The following DYNC2H1 variants were observed in gnomAD, a reference collection of about 807,000 sequenced individuals.
The protein encoded by DYNC2H1 is cytoplasmic dynein 2 heavy chain 1.
In DYNC2H1, 410 loss-of-function variants were observed where a neutral mutation model predicts 570.0. The ratio of observed to expected loss-of-function variants is 0.72; its 90% CI spans 0.66 to 0.78. The LOEUF (loss-of-function observed/expected upper bound fraction) is 0.78, where lower values mean the gene tolerates loss of function less well. Ranked by LOEUF, DYNC2H1 falls within the 30% of genes least tolerant of loss-of-function variation. DYNC2H1 has a pLI of 0.00. For synonymous variants in DYNC2H1, 1,688 were observed against 1,677.6 expected, an observed-to-expected ratio of 1.01 and a Z score of -0.15; for missense variants, 4,865 against 5,046.4, an observed-to-expected ratio of 0.96 and a Z score of 1.09.
intron 88 of DYNC2H1, among the ~76,000 whole-genome samples, chr11:103,475,926 G>A (rs1246491205): frequency 6.6e-6 from 1 of 152,146 alleles, no homozygotes; most frequent in East Asian, 1.9e-4. Context: ...TTCTATTTCA[G>A]TTTTGATCAT....
intron 84 of DYNC2H1, among the ~76,000 whole-genome samples, chr11:103,419,132 T>C (rs1489541973): frequency 6.6e-6 from 1 of 152,178 alleles, no homozygotes; most frequent in Admixed American, 6.5e-5. Context: ...GGAGTCTGCC[T>C]GAGGCAGGAA....
chr11:103,433,134 CTA>C (rs1943953146), intron 84 of DYNC2H1, among the ~76,000 whole-genome samples: 1 of 151,920 alleles, frequency 6.6e-6, no homozygotes, highest in South Asian at 2.1e-4. Context: ...TCATGTATCA[CTA>C]TCATTATCAT....
chr11:103,270,502 A>G (rs1038177466), intron 70 of DYNC2H1, among the ~76,000 whole-genome samples: 2 of 152,104 alleles, frequency 1.3e-5, no homozygotes, highest in Non-Finnish European at 2.9e-5. Flanking sequence ...ACAATAGTGA[A>G]ATAGAGCAAT....
At chr11:103,192,799 G>T (rs756743444) in intron 47 of DYNC2H1, among the ~76,000 whole-genome samples, 3 of 152,054 alleles carry the variant, frequency 2.0e-5, no homozygotes, top group Middle Eastern at 3.2e-3. Context: ...AACTATCGTG[G>T]GAGTAATGTA....
In DYNC2H1 at chr11:103,163,032, G is replaced by A. The variant is rs1262807447; in HGVS notation, c.4496G>A (p.Trp1499Ter). The stretch of plus-strand genomic sequence containing the variant: ...ATTTTCCAATTTCTTTTTCAGACAT[G>A]GTTGAATGATTTGGCCTTAGAAATG... ...KVPLSNNVET[W>*]LNDLALEMKK... Residue 1499 changes from tryptophan to a stop codon, truncating the protein, a stop_gained, in exon 30 of 89, where the codon TGG becomes TAG. Coordinates refer to ENST00000375735, the MANE Select transcript of DYNC2H1 (RefSeq NM_001377.3). LOFTEE classifies it high-confidence loss of function. The surrounding 1 kb of genome is among the most constrained non-coding windows in gnomAD (Gnocchi z 4.6). 6.2e-7 allele frequency: 1 copy of A among 1,609,802 alleles called. No homozygotes were observed. The highest frequency in any genetic ancestry group is 8.5e-7 in the Non-Finnish European group (1 of 1,177,618).
chr11:103,360,207 A>G (rs536967231), intron 83 of DYNC2H1, among the ~76,000 whole-genome samples: 3 of 152,156 alleles, frequency 2.0e-5, no homozygotes, highest in Non-Finnish European at 4.4e-5. Flanking sequence ...AATTTCCCCT[A>G]AAATAAAATT....
At chr11:103,124,993 C>A in intron 11 of DYNC2H1, 107 bp from the exon 12 acceptor site, 2 of 761,758 alleles carry the variant, frequency 2.6e-6, no homozygotes, top group Non-Finnish European at 4.0e-6. Flanking sequence ...TTTTTTTTTA[C>A]TTTGAGCTAA....
chr11:103,298,587 T>TTAC (rs1866929707), intron 75 of DYNC2H1, among the ~76,000 whole-genome samples: 1 of 152,180 alleles, frequency 6.6e-6, no homozygotes, highest in Non-Finnish European at 1.5e-5. Context: ...AAAATTATGT[T>TTAC]TACTATTGTA....
chr11:103,240,996 T>G (rs1290069153), intron 63 of DYNC2H1, among the ~76,000 whole-genome samples: 1 of 152,154 alleles, frequency 6.6e-6, no homozygotes, highest in Non-Finnish European at 1.5e-5. Context: ...AACCTTTTTA[T>G]TCCCCTCTAT....
intron 88 of DYNC2H1, among the ~76,000 whole-genome samples, chr11:103,477,933 A>G (rs193059213): frequency 1.3e-5 from 2 of 152,050 alleles, no homozygotes; most frequent in African/African-American, 4.8e-5. Context: ...CATCAGATTA[A>G]TGACTAATTT....
At position 103,191,546 on chromosome 11, in the gene DYNC2H1, T is replaced by C. The variant is rs1006299303; in HGVS notation, c.7467T>C (p.Tyr2489=). The C allele has an allele frequency of 6.8e-6, 11 of 1,609,098 alleles. No homozygotes were observed. The Admixed American group carries it at 1.2e-4, about 17-fold the overall frequency. The change falls in exon 46 of 89, where the codon TAT becomes TAC. Residue 2489 remains tyrosine, a synonymous_variant. Transcript: ENST00000375735. The part of the protein sequence containing the change: ...QVRAKFTVDD[Y]SHYFFTPCIL... Reference sequence around the variant, plus strand: ...GAGCCAAATTTACAGTTGATGATTATAGTCACTATTTCTTTACTCCTTGCA... The same window carrying C: ...GAGCCAAATTTACAGTTGATGATTACAGTCACTATTTCTTTACTCCTTGCA...
In DYNC2H1 at chr11:103,253,331, T is replaced by C. The variant is rs1591478199; in HGVS notation, c.10089T>C (p.Asn3363=). Residue 3363 remains asparagine, a synonymous_variant, in exon 66 of 89, where the codon AAT becomes AAC. Transcript: ENST00000375735. The part of the protein sequence containing the change: ...VQIGDKIIDY[N]EEFRLFLSTR... ...TAGGTGACAAAATTATTGACTACAA[T>C]GAAGAATTCCGCCTCTTTTTGTCAA... The C allele has an allele frequency of 6.2e-7, 1 of 1,613,318 alleles. No homozygotes were observed.
At chr11:103,307,656 G>A in intron 77 of DYNC2H1, 65 bp from the exon 78 acceptor site, 2 of 770,714 alleles carry the variant, frequency 2.6e-6, no homozygotes, top group Non-Finnish European at 4.1e-6. Flanking sequence ...TACTAATAAT[G>A]TAATGTAAAA....
At chr11:103,374,433 G>A (rs1405666231) in intron 83 of DYNC2H1, among the ~76,000 whole-genome samples, 1 of 152,194 alleles carries the variant, frequency 6.6e-6, no homozygotes, top group Non-Finnish European at 1.5e-5. Flanking sequence ...GGTACCAGGA[G>A]TGGGGCATTG....
In DYNC2H1 at chr11:103,117,817, A is replaced by C; in HGVS notation, c.953A>C (p.Lys318Thr). ...RYVPHPWKNE[K>T]YFPETLDKLG... ...GTTCCTCATCCATGGAAAAATGAAA[A>C]ATATTTTCCAGAAACACTTGACAAA... Residue 318 changes from lysine to threonine, a missense_variant, in exon 6 of 89, where the codon AAA becomes ACA. Lys to Thr is a moderately conservative substitution (Grantham distance 78). Around this residue, in one of 5 missense-constraint regions of DYNC2H1, gnomAD observed 1,936 missense variants for 1,962.1 expected, o/e 0.99. Transcript: ENST00000375735. The C allele has an allele frequency of 6.2e-7, 1 of 1,613,138 alleles. No individual in the cohort carries two copies. Among genetic ancestry groups the C allele is most frequent in the South Asian group, 1.1e-5 (1 of 90,934 alleles).
chr11:103,119,243 GTTA>G (rs755433183), intron 6 of DYNC2H1, among the ~76,000 whole-genome samples: 3 of 151,890 alleles, frequency 2.0e-5, no homozygotes, highest in South Asian at 2.1e-4. Context: ...GTCCATTTTA[GTTA>G]TTATTATTAT....
In DYNC2H1 at chr11:103,299,990, G is replaced by A. The variant is rs924255632; in HGVS notation, c.11096-3103G>A. Among the ~76,000 whole-genome samples, 2 of 151,920 alleles carry A rather than the reference G, an allele frequency of 1.3e-5. No homozygotes were observed. The highest frequency in any genetic ancestry group is 2.9e-5 in the Non-Finnish European group (2 of 67,940). ...TGTTGATTTTCCTCTTTTTATTGAT[G>A]TTTGTGGTACATTTTTACAATTGTT... On this transcript the variant is annotated intron_variant, in intron 75 of 88. Coordinates refer to ENST00000375735, the MANE Select transcript of DYNC2H1 (RefSeq NM_001377.3). This position sits in a 1 kb window ranked among gnomAD's most constrained non-coding sequence, Gnocchi z 4.5.
At chr11:103,407,336 AGAC>A (rs1942901689) in intron 84 of DYNC2H1, 1 of 151,882 alleles carries the variant, frequency 6.6e-6, no homozygotes, top group Non-Finnish European at 1.5e-5. Flanking sequence ...TAGGTAGCAC[AGAC>A]AATTTTGGAT....
At chr11:103,308,503 T>C (rs896234359) in intron 78 of DYNC2H1, among the ~76,000 whole-genome samples, 31 of 152,242 alleles carry the variant, frequency 2.0e-4, no homozygotes, top group African/African-American at 7.5e-4. Context: ...TCAATTATTT[T>C]GGATATGTAG....
Sources: allele counts gnomAD v4.1 joint callset (sites outside exome capture counted in the v4.1 genomes callset), GRCh38; gene constraint gnomAD v4.1.1; regional missense constraint gnomAD v4.1.1; non-coding constraint Gnocchi (gnomAD v3.1); transcripts MANE v1.5; gene names NCBI Gene and HGNC (gene_info 2026-07-23, HGNC 2026-07-21).